PGM2L1: variants seen among roughly 807,000 people sequenced by gnomAD.
The protein encoded by PGM2L1 is phosphoglucomutase 2 like 1, also known as glucose 1,6-bisphosphate synthase.
A neutral mutation model predicts 73.4 loss-of-function variants in PGM2L1; 35 were observed. The ratio of observed to expected loss-of-function variants is 0.48; its 90% CI spans 0.36 to 0.63. The LOEUF is 0.63. PGM2L1 is among the 30% of genes least tolerant of loss of function. The probability of loss-of-function intolerance (pLI) is 0.00; values close to 1 mark genes in which losing one functional copy is unlikely to be tolerated. For synonymous variants in PGM2L1, 225 were observed against 253.8 expected (o/e 0.89, Z 1.08); for missense variants, 570 against 742.0 (o/e 0.77, Z 2.69).
intron 1 of PGM2L1, among the ~76,000 whole-genome samples, chr11:74,380,646 A>G (rs1306674557): frequency 6.6e-6 from 1 of 151,846 alleles, no homozygotes. Flanking sequence ...AAAAAAGTTA[A>G]TTATTTTGTT....
At chr11:74,389,434 A>C (rs1480310892) in intron 1 of PGM2L1, among the ~76,000 whole-genome samples, 1 of 152,134 alleles carries the variant, frequency 6.6e-6, no homozygotes, top group Admixed American at 6.5e-5. Flanking sequence ...AGGAAGAGAC[A>C]GGAAAAATAC....
At chr11:74,348,258 C>G (rs1041453578) in intron 6 of PGM2L1, among the ~76,000 whole-genome samples, 7 of 152,138 alleles carry the variant, frequency 4.6e-5, no homozygotes, top group Admixed American at 6.6e-5. Context: ...GTCTTTTCCA[C>G]AGCAAAACTT....
At chr11:74,384,130 A>G (rs939380973) in intron 1 of PGM2L1, among the ~76,000 whole-genome samples, 3 of 144,382 alleles carry the variant, frequency 2.1e-5, no homozygotes, top group African/African-American at 7.8e-5. Flanking sequence ...TTACTCCCCC[A>G]CTCCCCCCGC....
intron 12 of PGM2L1, among the ~76,000 whole-genome samples, chr11:74,339,507 T>C (rs1468195276): frequency 6.6e-6 from 1 of 152,166 alleles, no homozygotes; most frequent in African/African-American, 2.4e-5. Flanking sequence ...CATTACCATA[T>C]ACCAGTGACT....
chr11:74,377,931 G>A (rs1017805339), intron 1 of PGM2L1, among the ~76,000 whole-genome samples: 2 of 151,870 alleles, frequency 1.3e-5, no homozygotes, highest in African/African-American at 4.8e-5. Flanking sequence ...TTACTTGGGG[G>A]TAGAAGCCTA....
At chr11:74,364,290 T>C (rs1398171516) in intron 5 of PGM2L1, among the ~76,000 whole-genome samples, 1 of 152,198 alleles carries the variant, frequency 6.6e-6, no homozygotes, top group Non-Finnish European at 1.5e-5. Context: ...AAGCATTCCC[T>C]TTGAAAACTG....
At chr11:74,383,824 A>AATAAATAAATATATATATAT (rs61026077) in intron 1 of PGM2L1, among the ~76,000 whole-genome samples, 12 of 121,804 alleles carry the variant, frequency 9.9e-5, no homozygotes, top group East Asian at 8.4e-4. Flanking sequence ...TATATAAATA[A>AATAAATAAATATATATATAT]ATATATATAT....
intron 1 of PGM2L1, among the ~76,000 whole-genome samples, chr11:74,393,889 G>A (rs1863137831): frequency 1.3e-5 from 2 of 152,058 alleles, no homozygotes. Flanking sequence ...ATTCACAATG[G>A]ATAAAGAACA....
In PGM2L1 at chr11:74,374,597, T is replaced by A; in HGVS notation, c.112-15A>T. The A allele has an allele frequency of 6.2e-7, 1 of 1,608,338 alleles. No individual in the cohort carries two copies. Among genetic ancestry groups the A allele is most frequent in the Non-Finnish European group, 8.5e-7 (1 of 1,175,970 alleles). Reference sequence around the variant, plus strand: ...GTTTTGGGATTCTATAAAAAAGAAGTATTAAAACTTAACCAGGAATCCAAG... The same window carrying A: ...GTTTTGGGATTCTATAAAAAAGAAGAATTAAAACTTAACCAGGAATCCAAG... On this transcript the variant is annotated splice_polypyrimidine_tract_variant and intron_variant, in intron 1 of 13. Transcript: ENST00000298198.
chr11:74,367,887 C>T (rs1418564203), intron 5 of PGM2L1, among the ~76,000 whole-genome samples: 1 of 152,130 alleles, frequency 6.6e-6, no homozygotes, highest in Non-Finnish European at 1.5e-5. Flanking sequence ...ATCTTTCTGC[C>T]AGTAAGACAG....
chr11:74,361,556 T>G (rs1862563875), intron 5 of PGM2L1, among the ~76,000 whole-genome samples: 2 of 152,104 alleles, frequency 1.3e-5, no homozygotes, highest in Admixed American at 6.5e-5. Flanking sequence ...GAGAATGACT[T>G]TGACGAGTTG....
At position 74,392,012 on chromosome 11, in the gene PGM2L1, A is replaced by T. The variant is rs575476728; in HGVS notation, c.111+6039T>A. ...GCTAATAGCATAACTATCAAAATTT[A>T]GGAGACATAGAGAATAGTGAGTGAA... On this transcript the variant is annotated intron_variant, in intron 1 of 13. Coordinates refer to ENST00000298198, the MANE Select transcript of PGM2L1 (RefSeq NM_173582.6). Among the ~76,000 whole-genome samples, 20 of 152,384 alleles carry T rather than the reference A, an allele frequency of 1.3e-4. No individual in the cohort carries two copies. In the South Asian group the frequency reaches 2.3e-3, roughly 17 times the overall value.
In PGM2L1 at chr11:74,331,974, CAA is replaced by C. The variant is rs1862022571; in HGVS notation, c.*4676_*4677del. ...TTATAAGTACATAGTCTTGAATAAA[CAA>C]AGAGGAAAGATGGTCTAATAAATAT... On this transcript the variant is annotated 3_prime_UTR_variant, in exon 14 of 14. Transcript: ENST00000298198. 6.6e-6 allele frequency: 1 copy of C among 152,148 alleles called. No homozygotes were observed. The highest frequency in any genetic ancestry group is 6.5e-5 in the Admixed American group (1 of 15,286). 9.4% of individuals were successfully genotyped at this position (152,148 alleles called of 1,614,324 possible).
chr11:74,338,751 G>T (rs1862136521), intron 12 of PGM2L1, 150 bp from the exon 13 acceptor site: 1 of 972,528 alleles, frequency 1.0e-6, no homozygotes, highest in Non-Finnish European at 1.5e-6. Flanking sequence ...AGTTGCCAAG[G>T]CAGGGGGTAT....
rs1234878046 is a variant in PGM2L1, at chr11:74,371,006, A to T, written c.387-20T>A. 1.9e-6 allele frequency: 3 copies of T among 1,599,546 alleles called. No individual in the cohort carries two copies. Among genetic ancestry groups the T allele is most frequent in the Non-Finnish European group, 2.6e-6 (3 of 1,167,808 alleles). On this transcript the variant is annotated intron_variant, in intron 3 of 13. Transcript: ENST00000298198. The stretch of plus-strand genomic sequence containing the variant: ...GCAAGCCTAAAAAAAGAGAGATTTA[A>T]CTTAGTCCTTTGCCTACCATACTTT...
At chr11:74,387,996 A>G (rs908657258) in intron 1 of PGM2L1, among the ~76,000 whole-genome samples, 3 of 152,194 alleles carry the variant, frequency 2.0e-5, no homozygotes, top group African/African-American at 7.2e-5. Flanking sequence ...TTTTACATAT[A>G]TGGCATCAAA....
chr11:74,330,914 A>C lies in PGM2L1; in HGVS notation c.*5738T>G, dbSNP rs779696566. Reference sequence around the variant, plus strand: ...TGAGTATTTAAGGGGATGTCTGCTTAATAAACATTACATTATAAAGTTCAG... The same window carrying C: ...TGAGTATTTAAGGGGATGTCTGCTTCATAAACATTACATTATAAAGTTCAG... On this transcript the variant is annotated 3_prime_UTR_variant, in exon 14 of 14. Coordinates refer to ENST00000298198, the MANE Select transcript of PGM2L1 (RefSeq NM_173582.6). 2.0e-5 allele frequency: 3 copies of C among 152,204 alleles called. No individual in the cohort carries two copies. Among genetic ancestry groups the C allele is most frequent in the Non-Finnish European group, 2.9e-5 (2 of 68,026 alleles). 9.4% of individuals were successfully genotyped at this position (152,204 alleles called of 1,614,324 possible).
intron 13 of PGM2L1, 82 bp from the exon 14 acceptor site, chr11:74,336,836 G>A: frequency 1.1e-6 from 1 of 896,604 alleles, no homozygotes; most frequent in Non-Finnish European, 1.6e-6. Flanking sequence ...TTTTTAAGAG[G>A]TCCTGATGGA....
chr11:74,364,448 T>C (rs1361314628), intron 5 of PGM2L1, among the ~76,000 whole-genome samples: 4 of 152,222 alleles, frequency 2.6e-5, no homozygotes, highest in Non-Finnish European at 4.4e-5. Flanking sequence ...CATGACATGA[T>C]TGTATATTTA....
Sources: gnomAD v4.1 joint callset for allele counts (sites outside exome capture counted in the v4.1 genomes callset) on GRCh38, gnomAD v4.1.1 for gene constraint, MANE v1.5 for transcripts, NCBI Gene and HGNC (gene_info 2026-07-23, HGNC 2026-07-21) for gene names.